Variants in BRD7 observed in about 807,000 individuals in gnomAD.
BRD7 encodes the protein bromodomain containing 7, also known as bromodomain-containing protein 7.
BRD7 carries 15 observed loss-of-function variants against 82.1 expected under a neutral mutation model. That is an observed-to-expected ratio of 0.18 (90% CI 0.12 to 0.28). The LOEUF is 0.28. Ranked by LOEUF, BRD7 falls within the 10% of genes least tolerant of loss-of-function variation. BRD7 has a pLI of 1.00. For synonymous variants in BRD7, 232 were observed against 266.9 expected (o/e 0.87, Z 1.27); for missense variants, 638 against 779.9 (o/e 0.82, Z 2.17).
intron 2 of BRD7, among the ~76,000 whole-genome samples, chr16:50,359,131 T>C (rs966614219): frequency 6.6e-6 from 1 of 152,242 alleles, no homozygotes; most frequent in Non-Finnish European, 1.5e-5. Context: ...TGGTTAACAG[T>C]AAATTCTGTT....
chr16:50,330,543 A>G (rs2037520421), intron 8 of BRD7, among the ~76,000 whole-genome samples: 1 of 152,106 alleles, frequency 6.6e-6, no homozygotes. Context: ...AATGACTGAT[A>G]GTCTAAGAGG....
intron 6 of BRD7, among the ~76,000 whole-genome samples, chr16:50,339,189 G>A (rs2037942706): frequency 6.6e-6 from 1 of 152,216 alleles, no homozygotes; most frequent in East Asian, 1.9e-4. Flanking sequence ...CTTTAAGGAA[G>A]AGTCTGCTGT....
In BRD7 at chr16:50,365,534, G is replaced by C. The variant is rs555944901; in HGVS notation, c.258+2556C>G. On this transcript the variant is annotated intron_variant, in intron 2 of 16. Transcript: ENST00000394688. Reference sequence around the variant, plus strand: ...AATAAATGGAAGAATTTGGGAGAGAGAGACAGGGCAGGGAGCAAAAGAAAA... The same window carrying C: ...AATAAATGGAAGAATTTGGGAGAGACAGACAGGGCAGGGAGCAAAAGAAAA... Among the ~76,000 whole-genome samples the C allele has an allele frequency of 2.0e-5, 3 of 152,316 alleles. 1 individual carries two copies. The highest frequency in any genetic ancestry group is 6.8e-3 in the Middle Eastern group (2 of 294).
intron 5 of BRD7, among the ~76,000 whole-genome samples, chr16:50,342,382 A>G (rs2038101914): frequency 6.6e-6 from 1 of 152,140 alleles, no homozygotes; most frequent in South Asian, 2.1e-4. Flanking sequence ...AAAGAGCACT[A>G]AACACTGATA....
chr16:50,341,928 T>TCA (rs375793137), intron 5 of BRD7, among the ~76,000 whole-genome samples: 14,322 of 143,468 alleles, frequency 0.1, 686 homozygotes, highest in Non-Finnish European at 0.11. Context: ...TGCACACTTT[T>TCA]CACACACACA....
rs1278573168 is a variant in BRD7 at position 50,368,894 on chromosome 16, G to A, written c.-120C>T. On this transcript the variant is annotated 5_prime_UTR_variant, in exon 1 of 17. Transcript: ENST00000394688. Reference sequence around the variant, plus strand: ...GGCCCGCGAGACCCCGCGCCGCGAGGCAGGGGGGCGGCGCGCGCCGGGCGG... The same window carrying A: ...GGCCCGCGAGACCCCGCGCCGCGAGACAGGGGGGCGGCGCGCGCCGGGCGG... 1.9e-6 allele frequency: 1 copy of A among 533,284 alleles called. No homozygotes were observed. Among genetic ancestry groups the A allele is most frequent in the African/African-American group, 2.1e-5 (1 of 47,932 alleles). The allele number at this position is 533,284 out of a possible 1,614,324, so 33.0% of individuals were successfully genotyped here. A position where few individuals can be genotyped will look rare whatever the true frequency, so the allele number is the denominator to read the frequency against.
intron 2 of BRD7, among the ~76,000 whole-genome samples, chr16:50,364,813 A>G (rs2039076237): frequency 6.6e-6 from 1 of 152,262 alleles, no homozygotes; most frequent in African/African-American, 2.4e-5. Flanking sequence ...ATACTATGTA[A>G]TCGATATAAA....
At chr16:50,327,038 C>A (rs1027284870) in intron 9 of BRD7, among the ~76,000 whole-genome samples, 1 of 152,222 alleles carries the variant, frequency 6.6e-6, no homozygotes, top group African/African-American at 2.4e-5. Context: ...CAGCCTTCAA[C>A]GGAGGCTACT....
intron 8 of BRD7, among the ~76,000 whole-genome samples, chr16:50,329,423 C>A (rs2151146821): frequency 6.6e-6 from 1 of 152,276 alleles, no homozygotes. Context: ...GGCTTCTGTT[C>A]CTAAGTCCCT....
chr16:50,354,633 CA>C, intron 3 of BRD7, 151 bp from the exon 4 acceptor site: 1 of 1,237,562 alleles, frequency 8.1e-7, no homozygotes, highest in Non-Finnish European at 1.1e-6. Flanking sequence ...AGTATTAATC[CA>C]AAATTGAAGC....
At chr16:50,334,298 C>A (rs1409890754) in intron 7 of BRD7, among the ~76,000 whole-genome samples, 1 of 152,212 alleles carries the variant, frequency 6.6e-6, no homozygotes, top group Non-Finnish European at 1.5e-5. Context: ...AAAACATGGG[C>A]ACGCTGCAGT....
At chr16:50,323,149 C>T (rs765673933) in intron 12 of BRD7, among the ~76,000 whole-genome samples, 1 of 152,222 alleles carries the variant, frequency 6.6e-6, no homozygotes, top group Non-Finnish European at 1.5e-5. Context: ...CTAGAGATAG[C>T]TTACAAATGT....
intron 8 of BRD7, among the ~76,000 whole-genome samples, chr16:50,329,984 A>G (rs1020237903): frequency 2.6e-5 from 4 of 152,112 alleles, no homozygotes; most frequent in Admixed American, 6.5e-5. Context: ...CCTCGATACC[A>G]TATTAGGGAC....
chr16:50,329,657 G>T (rs1436187550), intron 8 of BRD7, among the ~76,000 whole-genome samples: 1 of 152,180 alleles, frequency 6.6e-6, no homozygotes, highest in Non-Finnish European at 1.5e-5. Flanking sequence ...TCGGCTGAGA[G>T]CCATCCATCG....
At chr16:50,322,394 A>G (rs2037158674) in intron 12 of BRD7, among the ~76,000 whole-genome samples, 1 of 152,256 alleles carries the variant, frequency 6.6e-6, no homozygotes, top group African/African-American at 2.4e-5. Flanking sequence ...ACTGTGCATG[A>G]ACACAGCAAT....
In BRD7 at chr16:50,354,466, G is replaced by A; in HGVS notation, c.405C>T (p.Pro135=). ...LAKQEEVEQT[P]LQEALNQLMR... is the part of the protein sequence containing the mutation. ...TCAGTTGATTCAAAGCTTCTTGAAG[G>A]GGTGTCTGTTCTACTTCTAAAGCAA... is the stretch of plus-strand genomic sequence containing the variant. Residue 135 remains proline (P), a synonymous_variant, in exon 4 of 17, where the codon CCC becomes CCT. Transcript: ENST00000394688. 6.2e-7 allele frequency: 1 copy of A among 1,611,924 alleles called. No individual in the cohort carries two copies. The highest frequency in any genetic ancestry group is 1.1e-5 in the South Asian group (1 of 90,990).
At chr16:50,352,116 G>T (rs549391495) in intron 4 of BRD7, among the ~76,000 whole-genome samples, 1 of 152,076 alleles carries the variant, frequency 6.6e-6, no homozygotes, top group Non-Finnish European at 1.5e-5. Flanking sequence ...CTACTTCTAT[G>T]AATCAACTTT....
intron 4 of BRD7, among the ~76,000 whole-genome samples, chr16:50,351,246 A>G (rs1597080605): frequency 1.3e-5 from 2 of 152,312 alleles, no homozygotes; most frequent in East Asian, 3.9e-4. Context: ...ACTGAGGCTC[A>G]GTGAGGTTGA....
chr16:50,366,169 A>G (rs1334922781), intron 2 of BRD7, among the ~76,000 whole-genome samples: 1 of 152,246 alleles, frequency 6.6e-6, no homozygotes, highest in Non-Finnish European at 1.5e-5. Flanking sequence ...TGAGGGCAGA[A>G]TACAGATTTT....
Sources: allele counts gnomAD v4.1 joint callset (sites outside exome capture counted in the v4.1 genomes callset), GRCh38; gene constraint gnomAD v4.1.1; transcripts MANE v1.5; gene names NCBI Gene and HGNC (gene_info 2026-07-23, HGNC 2026-07-21).